Variants in CD33 observed in about 807,000 individuals in gnomAD.
The protein encoded by CD33 is myeloid cell surface antigen CD33.
In CD33, 25 loss-of-function variants were observed where a neutral mutation model predicts 31.4. The observed-to-expected ratio is 0.80, with a 90% CI of 0.58 to 1.11. The LOEUF (loss-of-function observed/expected upper bound fraction) is 1.11. Among genes scored for constraint, CD33 ranks in the 50% most tolerant of loss-of-function variants. CD33 has a pLI of 0.00. For synonymous variants in CD33, 176 were observed against 180.6 expected (o/e 0.97, Z 0.20); for missense variants, 407 against 448.1 (o/e 0.91, Z 0.83).
chr19:51,221,230 A>G (rs1048734043), upstream of CD33, among the ~76,000 whole-genome samples: 2 of 152,224 alleles, frequency 1.3e-5, no homozygotes, highest in South Asian at 2.1e-4. Flanking sequence ...TTCTTCATAA[A>G]TTACTCAGTC....
At chr19:51,226,414 G>T (rs1238210084) in intron 4 of CD33, 58 bp downstream of exon 4, 3 of 1,476,852 alleles carry the variant, frequency 2.0e-6, no homozygotes, top group African/African-American at 2.8e-5. Flanking sequence ...TGTCAGGTTT[G>T]GTCAGATCTG....
rs80165437 is a variant in CD33 at position 51,232,408 on chromosome 19, G to A, written c.746-2749G>A. On this transcript the variant is annotated intron_variant, in intron 4 of 6. Coordinates refer to ENST00000262262, the MANE Select transcript of CD33 (RefSeq NM_001772.4). Reference sequence around the variant, plus strand: ...GACTTGCTTGGGTTGAATATTTTGAGAGTACTTTGAGCTTCCTGGACCTGG... The same window carrying A: ...GACTTGCTTGGGTTGAATATTTTGAAAGTACTTTGAGCTTCCTGGACCTGG... Among the ~76,000 whole-genome samples, 142 of 152,304 alleles carry A rather than the reference G, an allele frequency of 9.3e-4. 3 individuals are homozygous for A. The East Asian group carries it at 0.027, about 29-fold the overall frequency.
the CD33 span, chr19:51,212,146 TG>T: frequency 2.1e-6 from 1 of 483,474 alleles, no homozygotes; most frequent in Non-Finnish European, 3.9e-6. Flanking sequence ...GGACCAGGAC[TG>T]GGGCCACTGG....
At chr19:51,216,967 G>T in the CD33 span, among the ~76,000 whole-genome samples, 1 of 152,194 alleles carries the variant, frequency 6.6e-6, no homozygotes, top group East Asian at 1.9e-4. Context: ...AGGCCTGGGT[G>T]TTGCAAACAC....
At chr19:51,213,850 C>CT in the CD33 span, among the ~76,000 whole-genome samples, 16,090 of 125,864 alleles carry the variant, frequency 0.13, 1,629 homozygotes, top group African/African-American at 0.3. Context: ...TTTTCTTTTT[C>CT]TTTTTTTTTT....
chr19:51,211,286 T>C, the CD33 span: 1 of 1,571,692 alleles, frequency 6.4e-7, no homozygotes, highest in African/African-American at 1.4e-5. Context: ...TGCGTCCTCG[T>C]GCCCTGCACT....
chr19:51,211,200 C>T, the CD33 span: 2 of 1,578,792 alleles, frequency 1.3e-6, no homozygotes, highest in Non-Finnish European at 1.7e-6. Flanking sequence ...ACCCTCGTTT[C>T]CCCACAGGGG....
At chr19:51,222,998 G>A (rs913728261), upstream of CD33, among the ~76,000 whole-genome samples, 4 of 152,066 alleles carry the variant, frequency 2.6e-5, no homozygotes, top group Non-Finnish European at 5.9e-5. Context: ...AGGATTGCTT[G>A]AACCCAGGAG....
At chr19:51,232,197 GT>G (rs778059704) in intron 4 of CD33, among the ~76,000 whole-genome samples, 2 of 152,148 alleles carry the variant, frequency 1.3e-5, no homozygotes, top group Admixed American at 1.3e-4. Flanking sequence ...TGACTGTTAA[GT>G]TTTTTATCTT....
chr19:51,216,364 G>A, the CD33 span, among the ~76,000 whole-genome samples: 1 of 151,990 alleles, frequency 6.6e-6, no homozygotes, highest in East Asian at 1.9e-4. Context: ...CAGCATTGTT[G>A]TAGGTGCCAG....
the CD33 span, among the ~76,000 whole-genome samples, chr19:51,214,401 T>G: frequency 6.6e-6 from 1 of 151,208 alleles, no homozygotes; most frequent in Non-Finnish European, 1.5e-5. Flanking sequence ...TTTCACCATG[T>G]TGGTCAGGCT....
chr19:51,226,189 A>G, intron 3 of CD33, 108 bp downstream of exon 3: 1 of 1,519,474 alleles, frequency 6.6e-7, no homozygotes. Context: ...TTCGGGAGCC[A>G]GAAGGACATG....
chr19:51,218,879 C>A, the CD33 span, among the ~76,000 whole-genome samples: 1 of 152,118 alleles, frequency 6.6e-6, no homozygotes, highest in East Asian at 1.9e-4. Context: ...TTTCATTAAT[C>A]TGTGTGTCTA....
At chr19:51,223,847 C>T (rs1980807185), upstream of CD33, among the ~76,000 whole-genome samples, 2 of 152,174 alleles carry the variant, frequency 1.3e-5, no homozygotes, top group African/African-American at 4.8e-5. Context: ...TTCCAATATG[C>T]TACCATGATA....
rs200505271 is a variant in CD33 at position 51,239,563 on chromosome 19, A to G, written c.970A>G (p.Ser324Gly). 87 of 1,612,778 alleles carry G rather than the reference A, an allele frequency of 5.4e-5. 1 individual carries two copies. The highest frequency in any genetic ancestry group is 5.2e-4 in the Admixed American group (31 of 59,788). ...SKLHGPTETS[S>G]CSGAAPTVEM... The stretch of plus-strand genomic sequence containing the variant: ...GTTACATGGCCCCACTGAAACCTCA[A>G]GCTGTTCAGGTGCCGCCCCTACTGT... Residue 324 changes from serine to glycine, a missense_variant, in exon 7 of 7, where the codon AGC becomes GGC. Coordinates refer to ENST00000262262, the MANE Select transcript of CD33 (RefSeq NM_001772.4).
chr19:51,234,363 A>G (rs940758228), intron 4 of CD33, among the ~76,000 whole-genome samples: 1 of 152,194 alleles, frequency 6.6e-6, no homozygotes, highest in African/African-American at 2.4e-5. Context: ...AAAATGTATA[A>G]TGACATGAAT....
chr19:51,211,955 C>T, the CD33 span: 1 of 1,280,910 alleles, frequency 7.8e-7, no homozygotes. Flanking sequence ...CCCTCCACTC[C>T]TCAGTGCTCA....
upstream of CD33, among the ~76,000 whole-genome samples, chr19:51,220,886 A>G (rs1286798433): frequency 6.6e-6 from 1 of 152,202 alleles, no homozygotes; most frequent in Admixed American, 6.5e-5. Context: ...ACCATAAAAG[A>G]CACTGATAAG....
chr19:51,222,068 G>GT (rs1980711272), upstream of CD33, among the ~76,000 whole-genome samples: 1 of 152,200 alleles, frequency 6.6e-6, no homozygotes, highest in Non-Finnish European at 1.5e-5. Context: ...ACACTCTTCA[G>GT]TGTCTTCACA....
Sources: gnomAD v4.1 joint callset for allele counts (sites outside exome capture counted in the v4.1 genomes callset) on GRCh38, gnomAD v4.1.1 for gene constraint, MANE v1.5 for transcripts, NCBI Gene and HGNC (gene_info 2026-07-23, HGNC 2026-07-21) for gene names.